The following DPP10 variants were observed in gnomAD, a reference collection of about 807,000 sequenced individuals.
DPP10 encodes dipeptidyl peptidase like 10.
DPP10 carries 33 observed loss-of-function variants against 120.9 expected under a neutral mutation model. The observed-to-expected ratio is 0.27, with a 90% CI of 0.21 to 0.37. The LOEUF (loss-of-function observed/expected upper bound fraction) is 0.37, where lower values mean the gene tolerates loss of function less well. Ranked by LOEUF, DPP10 falls within the 10% of genes least tolerant of loss-of-function variation. The probability of loss-of-function intolerance (pLI) is 1.00; values close to 1 mark genes in which losing one functional copy is unlikely to be tolerated. For synonymous variants in DPP10, 337 were observed against 326.1 expected (o/e 1.03, Z -0.36); for missense variants, 816 against 942.8 (o/e 0.87, Z 1.76).
At chr2:115,097,724 C>T (rs2048472478) in intron 1 of DPP10, among the ~76,000 whole-genome samples, 1 of 152,106 alleles carries the variant, frequency 6.6e-6, no homozygotes. Context: ...ATTAGGTAAC[C>T]TTAAGTGAGA....
intron 5 of DPP10, among the ~76,000 whole-genome samples, chr2:115,580,602 G>C (rs941583680): frequency 6.6e-6 from 1 of 151,862 alleles, no homozygotes; most frequent in African/African-American, 2.4e-5. Flanking sequence ...GGCACATTTC[G>C]GTCTCATGGC....
intron 1 of DPP10, among the ~76,000 whole-genome samples, chr2:114,667,447 A>T (rs922257212): frequency 2.6e-5 from 4 of 152,204 alleles, no homozygotes; most frequent in African/African-American, 7.2e-5. Flanking sequence ...AATGCAAATG[A>T]ATTAGGTATG....
intron 1 of DPP10, among the ~76,000 whole-genome samples, chr2:114,594,316 C>G (rs1691710473): frequency 6.6e-6 from 1 of 151,472 alleles, no homozygotes; most frequent in Non-Finnish European, 1.5e-5. Context: ...TGCAGACAGC[C>G]TATTGTGGGA....
At chr2:115,774,483 G>T (rs1239941690) in intron 13 of DPP10, among the ~76,000 whole-genome samples, 1 of 152,086 alleles carries the variant, frequency 6.6e-6, no homozygotes, top group African/African-American at 2.4e-5. Flanking sequence ...TTATTTGCCT[G>T]TGTGAACTTG....
chr2:115,686,534 C>T (rs2090998483), intron 5 of DPP10, among the ~76,000 whole-genome samples: 3 of 151,990 alleles, frequency 2.0e-5, no homozygotes, highest in Admixed American at 2.0e-4. Flanking sequence ...GTAAAAACAA[C>T]TGCAAACAAT....
At chr2:114,663,666 TATAGAGAGAGAGAG>T (rs1697650223) in intron 1 of DPP10, among the ~76,000 whole-genome samples, 1 of 92,628 alleles carries the variant, frequency 1.1e-5, no homozygotes, top group Non-Finnish European at 1.9e-5. Context: ...TATATATATA[TATAGAGAGAGAGAG>T]AGAGAGAGAG....
chr2:115,274,103 C>CTGTG (rs146168246), intron 1 of DPP10, among the ~76,000 whole-genome samples: 35 of 150,356 alleles, frequency 2.3e-4, no homozygotes, highest in African/African-American at 7.6e-4. Flanking sequence ...GTGTGTGTGT[C>CTGTG]TGTGTGTGTG....
intron 1 of DPP10, among the ~76,000 whole-genome samples, chr2:115,278,208 T>G (rs2059996824): frequency 6.6e-6 from 1 of 152,230 alleles, no homozygotes; most frequent in African/African-American, 2.4e-5. Context: ...AGTGCAATCA[T>G]GCATATGCAT....
chr2:114,759,830 C>T (rs1221657830), intron 1 of DPP10, among the ~76,000 whole-genome samples: 1 of 151,924 alleles, frequency 6.6e-6, no homozygotes, highest in South Asian at 2.1e-4. Flanking sequence ...GGTGGGTCAG[C>T]ACAAGATGAT....
intron 5 of DPP10, among the ~76,000 whole-genome samples, chr2:115,581,326 T>TA (rs1346840174): frequency 1.3e-5 from 2 of 152,208 alleles, no homozygotes; most frequent in Admixed American, 1.3e-4. Flanking sequence ...TATTTTTACA[T>TA]ACATTGTTTC....
intron 5 of DPP10, among the ~76,000 whole-genome samples, chr2:115,589,973 A>C (rs1018968138): frequency 6.6e-6 from 1 of 152,084 alleles, no homozygotes; most frequent in Non-Finnish European, 1.5e-5. Context: ...TCTTTTCATT[A>C]TCTAACCCTC....
At chr2:115,151,427 T>C (rs1472853099) in intron 1 of DPP10, among the ~76,000 whole-genome samples, 2 of 151,694 alleles carry the variant, frequency 1.3e-5, no homozygotes, top group African/African-American at 2.4e-5. Flanking sequence ...TTTTTTTTTT[T>C]TTGAGACAGA....
At chr2:115,018,243 C>T (rs531754163) in intron 1 of DPP10, among the ~76,000 whole-genome samples, 2 of 152,136 alleles carry the variant, frequency 1.3e-5, no homozygotes, top group African/African-American at 2.4e-5. Context: ...AATAGTAATG[C>T]TTTTACACTG....
At chr2:114,831,384 C>T (rs894397592) in intron 1 of DPP10, among the ~76,000 whole-genome samples, 3 of 152,116 alleles carry the variant, frequency 2.0e-5, no homozygotes, top group Admixed American at 1.3e-4. Context: ...ACAGAACCCC[C>T]AAACTGAAAA....
At chr2:115,459,317 C>T (rs530146271) in intron 3 of DPP10, among the ~76,000 whole-genome samples, 7 of 152,014 alleles carry the variant, frequency 4.6e-5, no homozygotes, top group East Asian at 1.9e-4. Flanking sequence ...CCACCACGCC[C>T]GGCTAATTTT....
At chr2:114,670,772 G>A (rs1698278332) in intron 1 of DPP10, among the ~76,000 whole-genome samples, 1 of 152,032 alleles carries the variant, frequency 6.6e-6, no homozygotes, top group Non-Finnish European at 1.5e-5. Flanking sequence ...TATTTCAAGG[G>A]AAAATTATGT....
At chr2:114,793,186 T>C (rs1444900462) in intron 1 of DPP10, among the ~76,000 whole-genome samples, 3 of 152,178 alleles carry the variant, frequency 2.0e-5, no homozygotes, top group Non-Finnish European at 4.4e-5. Context: ...CTGGGATACA[T>C]GTGCAGAACG....
intron 1 of DPP10, among the ~76,000 whole-genome samples, chr2:114,472,994 T>G (rs1280354486): frequency 6.6e-6 from 1 of 152,180 alleles, no homozygotes; most frequent in Non-Finnish European, 1.5e-5. Context: ...CCTTTGTACA[T>G]GCAGATTGGG....
At chr2:114,875,258 T>C (rs1691059904) in intron 1 of DPP10, among the ~76,000 whole-genome samples, 1 of 152,112 alleles carries the variant, frequency 6.6e-6, no homozygotes, top group Non-Finnish European at 1.5e-5. Context: ...GGGAAGGGCA[T>C]TATAAAGTTG....
Sources: gnomAD v4.1 joint callset for allele counts (sites outside exome capture counted in the v4.1 genomes callset) on GRCh38, gnomAD v4.1.1 for gene constraint, MANE v1.5 for transcripts, NCBI Gene and HGNC (gene_info 2026-07-23, HGNC 2026-07-21) for gene names.